Variants in ASZ1 observed in about 807,000 individuals in gnomAD.
The protein encoded by ASZ1 is ankyrin repeat, SAM and basic leucine zipper domain-containing protein 1.
ASZ1 carries 67 observed loss-of-function variants against 61.8 expected under a neutral mutation model. The observed-to-expected ratio is 1.08, with a 90% CI of 0.89 to 1.33. The LOEUF is 1.33. Among genes scored for constraint, ASZ1 ranks in the 40% most tolerant of loss-of-function variants. The probability of loss-of-function intolerance (pLI) is 0.00; values close to 1 mark genes in which losing one functional copy is unlikely to be tolerated. For missense variants in ASZ1, 577 were observed against 554.5 expected, an observed-to-expected ratio of 1.04 and a Z score of -0.41; for synonymous variants, 193 against 192.7, an observed-to-expected ratio of 1.00 and a Z score of -0.01.
chr7:117,389,802 C>T (rs188203289), intron 4 of ASZ1, among the ~76,000 whole-genome samples: 1 of 152,286 alleles, frequency 6.6e-6, no homozygotes. Flanking sequence ...GGCCATTCTC[C>T]AATTGCTAGC....
At chr7:117,381,940 A>C (rs1704675513) in intron 8 of ASZ1, 129 bp downstream of exon 8, 1 of 630,186 alleles carries the variant, frequency 1.6e-6, no homozygotes, top group Non-Finnish European at 2.8e-6. Flanking sequence ...ATTGGGATGT[A>C]CTACAAATTA....
chr7:117,404,329 T>TA (rs1159123403), intron 4 of ASZ1, among the ~76,000 whole-genome samples: 3 of 136,554 alleles, frequency 2.2e-5, no homozygotes, highest in Non-Finnish European at 4.6e-5. Flanking sequence ...TTAGGCTGTC[T>TA]TTTTTTTTTT....
At chr7:117,391,724 T>A (rs1000096403) in intron 4 of ASZ1, among the ~76,000 whole-genome samples, 14 of 152,278 alleles carry the variant, frequency 9.2e-5, no homozygotes, top group African/African-American at 3.1e-4. Context: ...TTAAGTAATG[T>A]GATGCCTCAA....
chr7:117,418,436 T>C (rs1797037184), intron 4 of ASZ1, among the ~76,000 whole-genome samples: 1 of 152,016 alleles, frequency 6.6e-6, no homozygotes, highest in Non-Finnish European at 1.5e-5. Context: ...GGGCGGATCA[T>C]GAGGTCAGGA....
chr7:117,379,994 T>A lies in ASZ1; in HGVS notation c.999A>T (p.Leu333=). Residue 333 remains leucine (L), a synonymous_variant, in exon 10 of 13, where the codon CTA becomes CTT. Coordinates refer to ENST00000284629, the MANE Select transcript of ASZ1 (RefSeq NM_130768.3). ...CTCCAAATTGTATCTCTTCTACCTG[T>A]AGTTCTTTAAGAGCAGCCAGAATTT... ...QQKILAALKE[L]QVEEIQFGEL... 1 of 1,607,998 alleles carries A rather than the reference T, an allele frequency of 6.2e-7. No homozygotes were observed. The highest frequency in any genetic ancestry group is 8.5e-7 in the Non-Finnish European group (1 of 1,177,024).
intron 4 of ASZ1, among the ~76,000 whole-genome samples, chr7:117,388,301 C>T (rs575733581): frequency 6.6e-6 from 1 of 152,230 alleles, no homozygotes; most frequent in Admixed American, 6.5e-5. Context: ...CTTCCCAACT[C>T]ATTCTATGAA....
chr7:117,401,457 G>T (rs1382654080), intron 4 of ASZ1, among the ~76,000 whole-genome samples: 1 of 150,420 alleles, frequency 6.6e-6, no homozygotes, highest in Non-Finnish European at 1.5e-5. Context: ...TACCTTCAAA[G>T]AATCAACAAT....
intron 4 of ASZ1, among the ~76,000 whole-genome samples, chr7:117,406,113 C>T (rs531860318): frequency 2.6e-5 from 4 of 152,070 alleles, no homozygotes; most frequent in South Asian, 4.1e-4. Flanking sequence ...TTAATGCTGT[C>T]GGGCATAGAA....
intron 3 of ASZ1, among the ~76,000 whole-genome samples, chr7:117,420,873 T>C (rs1255603732): frequency 6.6e-6 from 1 of 152,212 alleles, no homozygotes; most frequent in African/African-American, 2.4e-5. Context: ...GACTTCAAAA[T>C]AGGTCACAAC....
intron 6 of ASZ1, among the ~76,000 whole-genome samples, 173 bp from the exon 7 acceptor site, chr7:117,383,283 T>C (rs1172650426): frequency 6.6e-6 from 1 of 152,008 alleles, no homozygotes; most frequent in African/African-American, 2.4e-5. Context: ...AAATGATATA[T>C]CACAGTTGTA....
intron 4 of ASZ1, among the ~76,000 whole-genome samples, chr7:117,410,963 T>C (rs1198052256): frequency 6.6e-6 from 1 of 151,730 alleles, no homozygotes; most frequent in Non-Finnish European, 1.5e-5. Flanking sequence ...CAATAAGACT[T>C]ATCAAAGGGT....
intron 4 of ASZ1, among the ~76,000 whole-genome samples, chr7:117,395,020 T>A (rs1796551137): frequency 6.6e-6 from 1 of 152,214 alleles, no homozygotes; most frequent in Non-Finnish European, 1.5e-5. Context: ...TTGTCCCTGT[T>A]TCATGACACC....
chr7:117,398,023 C>G (rs1796608237), intron 4 of ASZ1, among the ~76,000 whole-genome samples: 1 of 152,234 alleles, frequency 6.6e-6, no homozygotes, highest in Non-Finnish European at 1.5e-5. Flanking sequence ...ACCTTGTGAG[C>G]AGGGCCCCTG....
intron 12 of ASZ1, among the ~76,000 whole-genome samples, chr7:117,366,375 G>A (rs966814574): frequency 1.3e-5 from 2 of 152,028 alleles, no homozygotes; most frequent in South Asian, 2.1e-4. Flanking sequence ...GAACTTTTTT[G>A]ATAAAATATT....
chr7:117,363,780 G>A lies in ASZ1; in HGVS notation c.1276-32C>T, dbSNP rs530299996. The A allele has an allele frequency of 2.3e-5, 34 of 1,510,124 alleles. No homozygotes were observed. In the South Asian group the frequency reaches 4.0e-4, roughly 18 times the overall value. 93.5% of individuals were successfully genotyped at this position (1,510,124 alleles called of 1,614,324 possible). On this transcript the variant is annotated intron_variant, in intron 12 of 12. Coordinates refer to ENST00000284629, the MANE Select transcript of ASZ1 (RefSeq NM_130768.3). Reference sequence around the variant, plus strand: ...TTTAGTATGGAAAAAGAAAAGAGGAGTTACTGTACAATACATTAATAAAAC... The same window carrying A: ...TTTAGTATGGAAAAAGAAAAGAGGAATTACTGTACAATACATTAATAAAAC...
chr7:117,419,909 C>T (rs1797067551), intron 4 of ASZ1, among the ~76,000 whole-genome samples: 1 of 152,130 alleles, frequency 6.6e-6, no homozygotes, highest in Non-Finnish European at 1.5e-5. Context: ...AGAAAAGATA[C>T]TATAGTTTAT....
At chr7:117,382,262 C>CA in intron 7 of ASZ1, 118 bp from the exon 8 acceptor site, 2 of 666,598 alleles carry the variant, frequency 3.0e-6, no homozygotes, top group Non-Finnish European at 5.3e-6. Context: ...AATATATTTG[C>CA]AATCTGCACA....
chr7:117,409,992 A>G (rs1185482283), intron 4 of ASZ1, among the ~76,000 whole-genome samples: 1 of 151,820 alleles, frequency 6.6e-6, no homozygotes, highest in Non-Finnish European at 1.5e-5. Context: ...TATTATAAAT[A>G]CTTCTATAAT....
At chr7:117,408,791 T>C (rs1008890140) in intron 4 of ASZ1, among the ~76,000 whole-genome samples, 4 of 152,042 alleles carry the variant, frequency 2.6e-5, no homozygotes, top group African/African-American at 7.2e-5. Context: ...ACAGCACTAA[T>C]GCAGGGTAGG....
Sources: allele counts gnomAD v4.1 joint callset (sites outside exome capture counted in the v4.1 genomes callset), GRCh38; gene constraint gnomAD v4.1.1; transcripts MANE v1.5; gene names NCBI Gene and HGNC (gene_info 2026-07-23, HGNC 2026-07-21).